Variants in TRMO observed in about 807,000 individuals in gnomAD.
TRMO encodes the protein tRNA methyltransferase O.
In TRMO, 30 loss-of-function variants were observed where a neutral mutation model predicts 37.2. The ratio of observed to expected loss-of-function variants is 0.81; its 90% CI spans 0.60 to 1.09. The LOEUF (loss-of-function observed/expected upper bound fraction) is 1.09. TRMO is among the 50% of genes least tolerant of loss of function. The probability of loss-of-function intolerance (pLI) is 0.00; values close to 1 mark genes in which losing one functional copy is unlikely to be tolerated. For synonymous variants in TRMO, 239 were observed against 199.4 expected (o/e 1.20, Z -1.67); for missense variants, 552 against 549.5 (o/e 1.00, Z -0.05).
In TRMO at chr9:97,904,617, T is replaced by A; in HGVS notation, c.*116A>T. The stretch of plus-strand genomic sequence containing the variant: ...AAACATTTTGAACAGCCCAAATCAA[T>A]CAAAGCCATGAGATCACAAAGTGTT... On this transcript the variant is annotated 3_prime_UTR_variant, in exon 5 of 5. Coordinates refer to ENST00000375119, the MANE Select transcript of TRMO (RefSeq NM_016481.5). 6.6e-7 allele frequency: 1 copy of A among 1,524,114 alleles called. No individual in the cohort carries two copies. The highest frequency in any genetic ancestry group is 1.3e-5 in the South Asian group (1 of 76,952). The allele number at this position is 1,524,114 out of a possible 1,614,324, so 94.4% of individuals were successfully genotyped here. A position where few individuals can be genotyped will look rare whatever the true frequency, so the allele number is the denominator to read the frequency against.
intron 4 of TRMO, among the ~76,000 whole-genome samples, chr9:97,907,794 C>T (rs771136855): frequency 9.2e-5 from 14 of 152,140 alleles, no homozygotes; most frequent in African/African-American, 2.2e-4. Flanking sequence ...CATATCCTTC[C>T]GCTCAGCCCT....
At chr9:97,911,097 G>A in intron 3 of TRMO, 1 of 315,652 alleles carries the variant, frequency 3.2e-6, no homozygotes, top group South Asian at 2.4e-5. Flanking sequence ...GGTTCTTACT[G>A]TGGCAAACAG....
At chr9:97,904,291 GT>G (rs1260863245), downstream of TRMO, among the ~76,000 whole-genome samples, 3 of 152,018 alleles carry the variant, frequency 2.0e-5, no homozygotes, top group Non-Finnish European at 4.4e-5. Flanking sequence ...ATCTCTACTT[GT>G]TTTTTATTTG....
intron 4 of TRMO, among the ~76,000 whole-genome samples, chr9:97,907,800 G>C (rs1825918947): frequency 6.6e-6 from 1 of 152,026 alleles, no homozygotes; most frequent in African/African-American, 2.4e-5. Context: ...CTTCCGCTCA[G>C]CCCTCCTCAG....
At chr9:97,907,270 C>G in intron 4 of TRMO, among the ~76,000 whole-genome samples, 1 of 152,144 alleles carries the variant, frequency 6.6e-6, no homozygotes, top group African/African-American at 2.4e-5. Flanking sequence ...CAGGTGGCTG[C>G]CTCCACCCAG....
At chr9:97,914,659 TTTTGTA>T (rs1826272138) in intron 2 of TRMO, among the ~76,000 whole-genome samples, 1 of 152,178 alleles carries the variant, frequency 6.6e-6, no homozygotes, top group South Asian at 2.1e-4. Flanking sequence ...TACATCTATA[TTTTGTA>T]ATAATAGACA....
intron 4 of TRMO, 115 bp from the exon 5 acceptor site, chr9:97,905,107 G>T: frequency 8.7e-7 from 1 of 1,143,512 alleles, no homozygotes; most frequent in Non-Finnish European, 1.3e-6. Context: ...CATGGACAGG[G>T]TTTGGAAAAC....
At chr9:97,902,101 G>A (rs1450702609), downstream of TRMO, among the ~76,000 whole-genome samples, 1 of 152,330 alleles carries the variant, frequency 6.6e-6, no homozygotes, top group East Asian at 1.9e-4. Flanking sequence ...AGTGGGCAGA[G>A]CTGTCGGAGG....
chr9:97,916,493 A>G (rs1389004655), intron 1 of TRMO, among the ~76,000 whole-genome samples, 155 bp from the exon 2 acceptor site: 1 of 152,190 alleles, frequency 6.6e-6, no homozygotes, highest in Non-Finnish European at 1.5e-5. Context: ...AATACGTATA[A>G]GTATTCTCAT....
intron 4 of TRMO, 77 bp from the exon 5 acceptor site, chr9:97,905,069 T>C: frequency 6.7e-7 from 1 of 1,488,976 alleles, no homozygotes; most frequent in South Asian, 1.2e-5. Context: ...CAATATGGAA[T>C]CTGGTTGGTT....
At chr9:97,907,917 A>G (rs1334624941) in intron 4 of TRMO, among the ~76,000 whole-genome samples, 1 of 152,062 alleles carries the variant, frequency 6.6e-6, no homozygotes, top group African/African-American at 2.4e-5. Flanking sequence ...AGGCTGGCTC[A>G]TGTCTTCACC....
downstream of TRMO, among the ~76,000 whole-genome samples, chr9:97,903,047 G>A (rs1046843588): frequency 1.3e-5 from 2 of 152,038 alleles, no homozygotes; most frequent in Non-Finnish European, 2.9e-5. Context: ...AGGGAGGGTT[G>A]CTTGGTACCA....
Position 97,913,562 on chromosome 9 carries a change from T to C in TRMO, c.252-4A>G, listed in dbSNP as rs764238494. ...TTTGTGAAAAACAAACAAAATCCTA[T>C]AGAAAACAAAACAAAACAAACCACG... is the stretch of plus-strand genomic sequence containing the variant. On this transcript the variant is annotated splice_polypyrimidine_tract_variant and splice_region_variant and intron_variant, in intron 2 of 4. Coordinates refer to ENST00000375119, the MANE Select transcript of TRMO (RefSeq NM_016481.5). 3.8e-6 allele frequency: 6 copies of C among 1,591,256 alleles called. No homozygotes were observed. The highest frequency in any genetic ancestry group is 3.4e-5 in the Admixed American group (2 of 59,036).
At chr9:97,914,707 T>C (rs980857236) in intron 2 of TRMO, among the ~76,000 whole-genome samples, 1 of 152,196 alleles carries the variant, frequency 6.6e-6, no homozygotes, top group Non-Finnish European at 1.5e-5. Flanking sequence ...AAATCTACTG[T>C]CGTGAAAGTT....
At chr9:97,900,056 AAAAAC>A (rs923349560), downstream of TRMO, among the ~76,000 whole-genome samples, 133 of 152,294 alleles carry the variant, frequency 8.7e-4, no homozygotes, top group African/African-American at 3.1e-3. Context: ...GACTGCCTCA[AAAAAC>A]AAAACAAAAC....
chr9:97,919,374 A>G (rs1826517503), intron 1 of TRMO, among the ~76,000 whole-genome samples: 1 of 151,982 alleles, frequency 6.6e-6, no homozygotes, highest in South Asian at 2.1e-4. Flanking sequence ...AAAAAAAAAG[A>G]AAGAAAGAAA....
At position 97,913,472 on chromosome 9, in the gene TRMO, A is replaced by C; in HGVS notation, c.338T>G (p.Val113Gly). ...PPRLNGAKTG[V>G]FSTRSPHRPN... ...ACGATGAGGGCTCCTTGTGGAAAAA[A>C]CTCCAGTCTTTGCACCATTCAGCCT... Residue 113 changes from valine (V) to glycine (G), a missense_variant, in exon 3 of 5, where the codon GTT becomes GGT. By Grantham distance (109) the Val-to-Gly change is moderately radical (BLOSUM62 -3). Coordinates refer to ENST00000375119, the MANE Select transcript of TRMO (RefSeq NM_016481.5). 6.2e-7 allele frequency: 1 copy of C among 1,613,480 alleles called. No homozygotes were observed. The highest frequency in any genetic ancestry group is 8.5e-7 in the Non-Finnish European group (1 of 1,179,864).
At chr9:97,912,068 A>G (rs1338935460) in intron 3 of TRMO, 2 of 152,202 alleles carry the variant, frequency 1.3e-5, no homozygotes, top group Non-Finnish European at 2.9e-5. Context: ...GCTGGATGCT[A>G]TTAGACAGAT....
chr9:97,908,279 G>A (rs969894553), intron 4 of TRMO, among the ~76,000 whole-genome samples: 52 of 152,124 alleles, frequency 3.4e-4, no homozygotes, highest in Non-Finnish European at 5.9e-4. Context: ...GGGTGTGGTG[G>A]CGGGCGCCTG....
Sources: allele counts gnomAD v4.1 joint callset (sites outside exome capture counted in the v4.1 genomes callset), GRCh38; gene constraint gnomAD v4.1.1; transcripts MANE v1.5; gene names NCBI Gene and HGNC (gene_info 2026-07-23, HGNC 2026-07-21).